LRMDA: variants seen among roughly 807,000 people sequenced by gnomAD.
The protein encoded by LRMDA is leucine-rich melanocyte differentiation-associated protein.
A neutral mutation model predicts 29.8 loss-of-function variants in LRMDA; 18 were observed. The ratio of observed to expected loss-of-function variants is 0.60; its 90% CI spans 0.42 to 0.90. The LOEUF is 0.90. Ranked by LOEUF, LRMDA falls within the 40% of genes least tolerant of loss-of-function variation. The probability of loss-of-function intolerance (pLI) is 0.00; values close to 1 mark genes in which losing one functional copy is unlikely to be tolerated. For synonymous variants in LRMDA, 125 were observed against 109.4 expected (o/e 1.14, Z -0.89); for missense variants, 273 against 273.9 (o/e 1.00, Z 0.02).
intron 5 of LRMDA, among the ~76,000 whole-genome samples, chr10:76,129,395 G>T (rs557616245): frequency 1.3e-5 from 2 of 152,246 alleles, no homozygotes; most frequent in South Asian, 4.1e-4. Flanking sequence ...ATCTCCAGTG[G>T]GTAGAAGACT....
At chr10:75,587,469 C>T (rs1057138448) in intron 2 of LRMDA, among the ~76,000 whole-genome samples, 1 of 152,228 alleles carries the variant, frequency 6.6e-6, no homozygotes, top group Admixed American at 6.5e-5. Flanking sequence ...ATGTATTTAA[C>T]AGCACTTTGC....
chr10:76,352,149 G>C (rs543555697), intron 6 of LRMDA, among the ~76,000 whole-genome samples: 2 of 152,142 alleles, frequency 1.3e-5, no homozygotes, highest in Non-Finnish European at 2.9e-5. Context: ...AGTGCTGAAT[G>C]GTAGTCCCCT....
chr10:76,203,011 T>G (rs1335435103), intron 5 of LRMDA, among the ~76,000 whole-genome samples: 1 of 152,200 alleles, frequency 6.6e-6, no homozygotes, highest in Non-Finnish European at 1.5e-5. Context: ...AAAGAGCTAC[T>G]CTTTGGTAAA....
intron 2 of LRMDA, among the ~76,000 whole-genome samples, chr10:75,682,593 ACT>A (rs1842037289): frequency 6.6e-6 from 1 of 152,118 alleles, no homozygotes; most frequent in Non-Finnish European, 1.5e-5. Context: ...AGACCTGATA[ACT>A]CTGTGAAGGA....
At chr10:75,485,188 C>G (rs1415835731) in intron 2 of LRMDA, among the ~76,000 whole-genome samples, 1 of 152,064 alleles carries the variant, frequency 6.6e-6, no homozygotes, top group East Asian at 1.9e-4. Flanking sequence ...TTATATTTTG[C>G]TGGATAACAT....
At chr10:76,357,093 G>A (rs1394206559) in intron 6 of LRMDA, among the ~76,000 whole-genome samples, 4 of 152,172 alleles carry the variant, frequency 2.6e-5, no homozygotes, top group African/African-American at 9.7e-5. Flanking sequence ...AGAGAGAAGA[G>A]GAGGCATGGA....
At chr10:76,476,421 C>CA (rs1233340772) in intron 6 of LRMDA, among the ~76,000 whole-genome samples, 1 of 151,864 alleles carries the variant, frequency 6.6e-6, no homozygotes, top group Non-Finnish European at 1.5e-5. Flanking sequence ...GCTTACCAAC[C>CA]AAAAAAAGTC....
At chr10:75,836,739 A>C (rs912369872) in intron 2 of LRMDA, among the ~76,000 whole-genome samples, 29 of 152,312 alleles carry the variant, frequency 1.9e-4, no homozygotes, top group African/African-American at 7.0e-4. Flanking sequence ...GGATCTGCTT[A>C]AATACCATGC....
At chr10:75,805,565 T>C (rs964741577) in intron 2 of LRMDA, among the ~76,000 whole-genome samples, 9 of 152,022 alleles carry the variant, frequency 5.9e-5, no homozygotes, top group African/African-American at 2.2e-4. Flanking sequence ...TGGTGGGTGG[T>C]TTGGGCCATG....
At chr10:76,308,299 T>A (rs1840585136) in intron 5 of LRMDA, among the ~76,000 whole-genome samples, 1 of 152,180 alleles carries the variant, frequency 6.6e-6, no homozygotes, top group African/African-American at 2.4e-5. Context: ...ATGGCAAGTG[T>A]CAACACTAGT....
At chr10:75,499,485 A>G (rs528649254) in intron 2 of LRMDA, among the ~76,000 whole-genome samples, 1 of 152,330 alleles carries the variant, frequency 6.6e-6, no homozygotes, top group South Asian at 2.1e-4. Context: ...TTTCTGAAAA[A>G]TGGAGATGAT....
At chr10:75,551,814 G>A (rs1393861049) in intron 2 of LRMDA, among the ~76,000 whole-genome samples, 1 of 152,108 alleles carries the variant, frequency 6.6e-6, no homozygotes, top group East Asian at 1.9e-4. Flanking sequence ...TTAGGTGAGA[G>A]GATCGCTTGA....
intron 2 of LRMDA, among the ~76,000 whole-genome samples, chr10:75,896,075 G>C (rs1186596910): frequency 6.6e-6 from 1 of 152,182 alleles, no homozygotes; most frequent in Non-Finnish European, 1.5e-5. Context: ...GTATGGAAAG[G>C]AGATGAAAAA....
chr10:76,335,132 G>C lies in LRMDA; in HGVS notation c.601+10647G>C, dbSNP rs141557266. Among the ~76,000 whole-genome samples, 33 of 152,316 alleles carry C rather than the reference G, an allele frequency of 2.2e-4. No homozygotes were observed. The East Asian group carries it at 2.5e-3, about 12-fold the overall frequency. On this transcript the variant is annotated intron_variant, in intron 6 of 6. Transcript: ENST00000611255. ...TCTGGTCATAATCTAGGTGAAAGTAGGGGGTGGATCATTTAAAGCAAGAAT... is the reference window on the plus strand; with the variant it reads ...TCTGGTCATAATCTAGGTGAAAGTACGGGGTGGATCATTTAAAGCAAGAAT...
intron 4 of LRMDA, among the ~76,000 whole-genome samples, chr10:76,055,447 G>A (rs1396369025): frequency 6.6e-6 from 1 of 152,228 alleles, no homozygotes; most frequent in African/African-American, 2.4e-5. Context: ...TGGTGATAAT[G>A]TCACCGAATC....
intron 5 of LRMDA, among the ~76,000 whole-genome samples, chr10:76,227,386 T>G (rs1211180197): frequency 6.6e-6 from 1 of 152,152 alleles, no homozygotes; most frequent in Non-Finnish European, 1.5e-5. Context: ...GTTTCTCTGT[T>G]TTTTCTTCCT....
At chr10:75,989,015 A>G (rs144033284) in intron 2 of LRMDA, among the ~76,000 whole-genome samples, 1 of 152,016 alleles carries the variant, frequency 6.6e-6, no homozygotes, top group African/African-American at 2.4e-5. Flanking sequence ...CTTTCTCTCT[A>G]CAGCCTCAGA....
intron 2 of LRMDA, among the ~76,000 whole-genome samples, chr10:75,794,089 A>G (rs1386442446): frequency 6.6e-6 from 1 of 152,216 alleles, no homozygotes; most frequent in Non-Finnish European, 1.5e-5. Context: ...TTAAGGCACT[A>G]TGGTTTGGGG....
At chr10:76,270,607 C>T (rs918248935) in intron 5 of LRMDA, 1 of 152,410 alleles carries the variant, frequency 6.6e-6, no homozygotes, top group Admixed American at 6.5e-5. Context: ...TCTTTTACAG[C>T]CTGTCTTCTT....
Sources: allele counts gnomAD v4.1 joint callset (sites outside exome capture counted in the v4.1 genomes callset), GRCh38; gene constraint gnomAD v4.1.1; transcripts MANE v1.5; gene names NCBI Gene and HGNC (gene_info 2026-07-23, HGNC 2026-07-21).